MVB12B: variants seen among roughly 807,000 people sequenced by gnomAD.
MVB12B encodes the protein multivesicular body subunit 12B, also known as ESCRT-I complex subunit MVB12B.
MVB12B carries 16 observed loss-of-function variants against 41.6 expected under a neutral mutation model. The ratio of observed to expected loss-of-function variants is 0.38; its 90% CI spans 0.26 to 0.58. The LOEUF (loss-of-function observed/expected upper bound fraction) is 0.58, where lower values mean the gene tolerates loss of function less well. MVB12B is among the 20% of genes least tolerant of loss of function. The pLI, the probability that MVB12B is intolerant of heterozygous loss-of-function variation, is 0.62. For missense variants in MVB12B, 274 were observed against 380.2 expected, an observed-to-expected ratio of 0.72 and a Z score of 2.32; for synonymous variants, 133 against 139.7, an observed-to-expected ratio of 0.95 and a Z score of 0.34.
At chr9:126,426,764 G>C (rs1437092459) in intron 7 of MVB12B, 6 of 152,214 alleles carry the variant, frequency 3.9e-5, no homozygotes, top group African/African-American at 1.4e-4. Flanking sequence ...GGGATATCTA[G>C]ATTAGGTTCT....
At chr9:126,378,640 C>G (rs1168906551) in intron 2 of MVB12B, among the ~76,000 whole-genome samples, 1 of 152,066 alleles carries the variant, frequency 6.6e-6, no homozygotes, top group East Asian at 1.9e-4. Flanking sequence ...GTCTCTCTCT[C>G]TCTCTCTCTC....
At chr9:126,495,729 A>C (rs1833815593) in intron 9 of MVB12B, among the ~76,000 whole-genome samples, 1 of 152,090 alleles carries the variant, frequency 6.6e-6, no homozygotes. Flanking sequence ...GAGGGTCTGG[A>C]ATTGTATCTC....
Position 126,343,068 on chromosome 9 carries a change from C to T in MVB12B, c.204+2438C>T, listed in dbSNP as rs141237420. 1.4e-3 allele frequency among the ~76,000 whole-genome samples: 211 copies of T among 152,262 alleles called. 1 individual carries two copies. Among genetic ancestry groups the T allele is most frequent in the Middle Eastern group, 6.8e-3 (2 of 294 alleles). ...AACTGCTTTAAAATGAGCTTAGGTC[C>T]CATTGCTGCTTGAGGTAAAAGGTGC... On this transcript the variant is annotated intron_variant, in intron 2 of 9. Transcript: ENST00000361171.
At chr9:126,498,055 G>GACGTGGGCACTGTGCTGGGCCCTGCCC (rs1833875273) in intron 9 of MVB12B, among the ~76,000 whole-genome samples, 1 of 152,218 alleles carries the variant, frequency 6.6e-6, no homozygotes. Context: ...CTCGCCATAT[G>GACGTGGGCACTGTGCTGGGCCCTGCCC]ACGTGGGCAC....
At chr9:126,410,371 A>T (rs1481693404) in intron 6 of MVB12B, among the ~76,000 whole-genome samples, 2 of 152,198 alleles carry the variant, frequency 1.3e-5, no homozygotes, top group Non-Finnish European at 2.9e-5. Context: ...TGGAAAGAGC[A>T]TGAACGCACA....
At chr9:126,442,117 AT>A (rs778448913) in intron 7 of MVB12B, among the ~76,000 whole-genome samples, 2 of 152,146 alleles carry the variant, frequency 1.3e-5, no homozygotes, top group Non-Finnish European at 2.9e-5. Context: ...TTCCCTATGT[AT>A]TTTAACAATT....
chr9:126,383,648 G>C (rs1830693687), intron 3 of MVB12B, among the ~76,000 whole-genome samples: 1 of 152,040 alleles, frequency 6.6e-6, no homozygotes, highest in Admixed American at 6.5e-5. Flanking sequence ...CAAGGATTGG[G>C]AATACGTTCT....
chr9:126,474,409 G>T (rs1359830165), intron 7 of MVB12B, among the ~76,000 whole-genome samples: 1 of 152,222 alleles, frequency 6.6e-6, no homozygotes, highest in Non-Finnish European at 1.5e-5. Context: ...CTTTTGGAAT[G>T]CATGAAGAAT....
At position 126,376,090 on chromosome 9, in the gene MVB12B, A is replaced by T. The variant is rs1414208084; in HGVS notation, c.205-4974A>T. Among the ~76,000 whole-genome samples the T allele has an allele frequency of 6.6e-6, 1 of 151,344 alleles. No individual in the cohort carries two copies. The highest frequency in any genetic ancestry group is 1.5e-5 in the Non-Finnish European group (1 of 67,834). On this transcript the variant is annotated intron_variant, in intron 2 of 9. Coordinates refer to ENST00000361171, the MANE Select transcript of MVB12B (RefSeq NM_033446.3). The surrounding 1 kb of genome is among the most constrained non-coding windows in gnomAD (Gnocchi z 4.1). ...TTTTTGTTAGCTGGATGTTGTCTTG[A>T]CCCTTCAGTTTTCATTCCTATAATT...
At chr9:126,379,459 T>C (rs1830577517) in intron 2 of MVB12B, among the ~76,000 whole-genome samples, 1 of 152,198 alleles carries the variant, frequency 6.6e-6, no homozygotes, top group South Asian at 2.1e-4. Flanking sequence ...AGAAACTCTA[T>C]GTGTGACCAT....
intron 2 of MVB12B, among the ~76,000 whole-genome samples, chr9:126,379,392 TAGGGGGTGCTTTGTGTGGAGG>T (rs1446587555): frequency 6.6e-6 from 1 of 151,966 alleles, no homozygotes. Flanking sequence ...AAAACAAGCA[TAGGGGGTGCTTTGTGTGGAGG>T]AGCTGAGACC....
intron 7 of MVB12B, among the ~76,000 whole-genome samples, chr9:126,435,725 G>C (rs1588170877): frequency 6.6e-6 from 1 of 151,790 alleles, no homozygotes; most frequent in East Asian, 1.9e-4. Context: ...ACATCATCTG[G>C]AAGTCCCCTG....
In MVB12B at chr9:126,455,853, A is replaced by G. The variant is rs559458155; in HGVS notation, c.758-25516A>G. Among the ~76,000 whole-genome samples, 13 of 150,474 alleles carry G rather than the reference A, an allele frequency of 8.6e-5. No homozygotes were observed. In the East Asian group the frequency reaches 2.1e-3, roughly 25 times the overall value. On this transcript the variant is annotated intron_variant, in intron 7 of 9. Coordinates refer to ENST00000361171, the MANE Select transcript of MVB12B (RefSeq NM_033446.3). ...TTGCTGTCGTGGTGGTTCTAAGACA[A>G]TAAACTTTGATAGGTCGTTTTCTTT...
intron 7 of MVB12B, among the ~76,000 whole-genome samples, chr9:126,430,678 C>T (rs894611444): frequency 1.3e-5 from 2 of 151,382 alleles, no homozygotes; most frequent in Non-Finnish European, 2.9e-5. Flanking sequence ...GCTGCCCTGT[C>T]CTGTGCTCCT....
In MVB12B at chr9:126,327,023, C is replaced by A; in HGVS notation, c.81+13C>A. On this transcript the variant is annotated intron_variant, in intron 1 of 9. Transcript: ENST00000361171. ...CCAGCGGGGAACAGTTAAGTGAGGCCCGGGCGCCGCGGAGGCTCGGCGGAG... is the reference window on the plus strand; with the variant it reads ...CCAGCGGGGAACAGTTAAGTGAGGCACGGGCGCCGCGGAGGCTCGGCGGAG... The A allele has an allele frequency of 6.2e-6, 1 of 160,158 alleles. No individual in the cohort carries two copies. The highest frequency in any genetic ancestry group is 1.4e-4 in the South Asian group (1 of 6,924). 9.9% of individuals were successfully genotyped at this position (160,158 alleles called of 1,614,324 possible). A position where few individuals can be genotyped will look rare whatever the true frequency, so the allele number is the denominator to read the frequency against.
At position 126,503,207 on chromosome 9, in the gene MVB12B, G is replaced by T; in HGVS notation, c.904G>T (p.Ala302Ser). The change falls in exon 10 of 10, where the codon GCA (alanine) becomes TCA (serine). Residue 302 changes from alanine to serine, a missense_variant. By Grantham distance (99) the Ala-to-Ser change is moderately conservative. Coordinates refer to ENST00000361171, the MANE Select transcript of MVB12B (RefSeq NM_033446.3). ...YEYSFRTEQS[A>S]AARLPPSPTR... is the part of the protein sequence containing the mutation. ...GTACAGCTTCCGCACAGAGCAGAGC[G>T]CAGCCGCCAGGCTCCCGCCCAGCCC... is the stretch of plus-strand genomic sequence containing the variant. 1 of 1,550,756 alleles carries T rather than the reference G, an allele frequency of 6.4e-7. No homozygotes were observed. Among genetic ancestry groups the T allele is most frequent in the Non-Finnish European group, 8.7e-7 (1 of 1,147,062 alleles).
chr9:126,445,336 TCA>T (rs1172227767), intron 7 of MVB12B, among the ~76,000 whole-genome samples: 3 of 152,248 alleles, frequency 2.0e-5, no homozygotes, highest in African/African-American at 4.8e-5. Flanking sequence ...AGACAGGGAC[TCA>T]CTCTGTCACC....
At chr9:126,419,890 T>C (rs769915083) in intron 6 of MVB12B, among the ~76,000 whole-genome samples, 1 of 152,178 alleles carries the variant, frequency 6.6e-6, no homozygotes, top group African/African-American at 2.4e-5. Context: ...GACTGACGCC[T>C]TCATTAATGC....
At chr9:126,403,501 C>T (rs1295615085) in intron 6 of MVB12B, among the ~76,000 whole-genome samples, 1 of 152,220 alleles carries the variant, frequency 6.6e-6, no homozygotes, top group African/African-American at 2.4e-5. Flanking sequence ...AGTTCCCTGT[C>T]ATTGCTGCGT....
Sources: gnomAD v4.1 joint callset for allele counts (sites outside exome capture counted in the v4.1 genomes callset) on GRCh38, gnomAD v4.1.1 for gene constraint, Gnocchi (gnomAD v3.1) non-coding constraint, MANE v1.5 for transcripts, NCBI Gene and HGNC (gene_info 2026-07-23, HGNC 2026-07-21) for gene names.